The following GALK2 variants were observed in gnomAD, a reference collection of about 807,000 sequenced individuals.
GALK2 encodes N-acetylgalactosamine kinase.
In GALK2, 36 loss-of-function variants were observed where a neutral mutation model predicts 52.4. The ratio of observed to expected loss-of-function variants is 0.69; its 90% confidence interval spans 0.53 to 0.91. GALK2 has a LOEUF of 0.91. Among genes scored for constraint, GALK2 ranks in the 40% least tolerant of loss-of-function variants. The probability of loss-of-function intolerance (pLI) is 0.00; values close to 1 mark genes in which losing one functional copy is unlikely to be tolerated. For missense variants in GALK2, 579 were observed against 559.1 expected, an observed-to-expected ratio of 1.04 and a Z score of -0.36; for synonymous variants, 176 against 199.1, an observed-to-expected ratio of 0.88 and a Z score of 0.98.
At chr15:49,309,766 A>G (rs923953804) in intron 8 of GALK2, among the ~76,000 whole-genome samples, 1 of 151,868 alleles carries the variant, frequency 6.6e-6, no homozygotes, top group African/African-American at 2.4e-5. Context: ...GATTACAGGC[A>G]TGCCCCACGA....
At chr15:49,204,157 T>C (rs2141320534) in intron 2 of GALK2, among the ~76,000 whole-genome samples, 1 of 152,018 alleles carries the variant, frequency 6.6e-6, no homozygotes, top group African/African-American at 2.4e-5. Flanking sequence ...GATTTAGCTC[T>C]GGGTTCTCTA....
rs544655664 is a variant in GALK2, at chr15:49,265,146, G to T, written c.505-16841G>T. On this transcript the variant is annotated intron_variant, in intron 5 of 9. Transcript: ENST00000560031. ...ATTTAAGTCTGCAGAGGTTACTGCT[G>T]TCTTTTTGTCTGTGCCCTTCCCCCA... Among the ~76,000 whole-genome samples, 87 of 152,338 alleles carry T rather than the reference G, an allele frequency of 5.7e-4. 2 individuals are homozygous for T. In the South Asian group the frequency reaches 0.018, roughly 31 times the overall value.
intron 3 of GALK2, among the ~76,000 whole-genome samples, chr15:49,229,452 G>A (rs2090377380): frequency 2.0e-5 from 3 of 152,162 alleles, no homozygotes; most frequent in Admixed American, 6.5e-5. Context: ...GGCTGGGTGA[G>A]TTGGTCCCCT....
At chr15:49,344,510 T>C (rs984958170) in intron 3 of GALK2, among the ~76,000 whole-genome samples, 4 of 152,208 alleles carry the variant, frequency 2.6e-5, no homozygotes, top group Non-Finnish European at 5.9e-5. Context: ...TCCCCAATTG[T>C]GTGTTCCAAT....
At chr15:49,178,769 CGGAAAG>C (rs946143431) in intron 1 of GALK2, 9 of 214,846 alleles carry the variant, frequency 4.2e-5, no homozygotes, top group Admixed American at 3.7e-4. Flanking sequence ...TGTTGCCAGA[CGGAAAG>C]GAAAGAGCCT....
intron 5 of GALK2, among the ~76,000 whole-genome samples, chr15:49,244,827 CT>C (rs965204180): frequency 2.0e-5 from 3 of 151,822 alleles, no homozygotes; most frequent in Admixed American, 2.0e-4. Context: ...AAAGATGGAA[CT>C]TATAATCTTA....
At chr15:49,216,875 G>A (rs1403468899) in intron 2 of GALK2, among the ~76,000 whole-genome samples, 1 of 152,170 alleles carries the variant, frequency 6.6e-6, no homozygotes, top group East Asian at 1.9e-4. Flanking sequence ...GGATCCTGTA[G>A]GCAATGCAAG....
At chr15:49,280,846 AT>A (rs1028523986) in intron 5 of GALK2, among the ~76,000 whole-genome samples, 3 of 150,838 alleles carry the variant, frequency 2.0e-5, no homozygotes, top group South Asian at 2.1e-4. Flanking sequence ...TTATTTTTTT[AT>A]TTTTTTTTGA....
At chr15:49,308,716 C>T (rs2035746295) in intron 8 of GALK2, among the ~76,000 whole-genome samples, 1 of 152,136 alleles carries the variant, frequency 6.6e-6, no homozygotes, top group Non-Finnish European at 1.5e-5. Flanking sequence ...TGCATTCAGG[C>T]CTGGGAACCA....
intron 1 of GALK2, among the ~76,000 whole-genome samples, chr15:49,193,046 G>A (rs1489288223): frequency 2.0e-5 from 3 of 148,128 alleles, no homozygotes; most frequent in African/African-American, 7.5e-5. Context: ...TGCCCAGGCT[G>A]GAGTGCAGTG....
chr15:49,217,678 A>G (rs1398665175), intron 3 of GALK2, among the ~76,000 whole-genome samples: 2 of 152,176 alleles, frequency 1.3e-5, no homozygotes, highest in Admixed American at 1.3e-4. Context: ...TTGTCATAGC[A>G]TATTATTATG....
chr15:49,266,611 A>G (rs1474192357), intron 5 of GALK2, among the ~76,000 whole-genome samples: 1 of 152,208 alleles, frequency 6.6e-6, no homozygotes, highest in Non-Finnish European at 1.5e-5. Context: ...TGAGATAGAC[A>G]TAGATCGCTT....
intron 3 of GALK2, among the ~76,000 whole-genome samples, chr15:49,234,559 C>T (rs1450268104): frequency 1.3e-5 from 2 of 152,034 alleles, no homozygotes; most frequent in Non-Finnish European, 2.9e-5. Context: ...TACATGGCAG[C>T]GGGCAAAGAG....
chr15:49,164,780 CAAAAA>C (rs36107125), intron 1 of GALK2, among the ~76,000 whole-genome samples: 3 of 65,182 alleles, frequency 4.6e-5, no homozygotes, highest in African/African-American at 5.7e-5. Context: ...AACTCCGTCT[CAAAAA>C]AAAAAAAAAA....
At chr15:49,281,583 A>C (rs2032705369) in intron 5 of GALK2, among the ~76,000 whole-genome samples, 1 of 152,160 alleles carries the variant, frequency 6.6e-6, no homozygotes, top group Non-Finnish European at 1.5e-5. Context: ...CACTTTGGTT[A>C]TGGGTAGACT....
At chr15:49,357,972 G>A (rs991300195) in intron 3 of GALK2, among the ~76,000 whole-genome samples, 46 of 151,816 alleles carry the variant, frequency 3.0e-4, no homozygotes, top group African/African-American at 1.1e-3. Context: ...TATAAACAGA[G>A]CCAAAGACAA....
chr15:49,206,419 A>G (rs2088291345), intron 2 of GALK2, among the ~76,000 whole-genome samples: 2 of 151,940 alleles, frequency 1.3e-5, no homozygotes, highest in Non-Finnish European at 2.9e-5. Context: ...TTTTGGCAGT[A>G]TGGTCATTTT....
At chr15:49,337,478 C>CT (rs2039926632) in intron 3 of GALK2, among the ~76,000 whole-genome samples, 6 of 44,156 alleles carry the variant, frequency 1.4e-4, no homozygotes, top group African/African-American at 5.0e-4. Flanking sequence ...TTGTTGGACA[C>CT]TTGCAATGTC....
chr15:49,235,125 C>T (rs988684212), intron 3 of GALK2, among the ~76,000 whole-genome samples: 1 of 152,148 alleles, frequency 6.6e-6, no homozygotes. Context: ...CTGTAAATAT[C>T]TTGCTTCTCA....
Sources: allele counts gnomAD v4.1 joint callset (sites outside exome capture counted in the v4.1 genomes callset), GRCh38; gene constraint gnomAD v4.1.1; transcripts MANE v1.5; gene names NCBI Gene and HGNC (gene_info 2026-07-23, HGNC 2026-07-21).